Variants in PPARGC1A observed in about 807,000 individuals in gnomAD.
PPARGC1A encodes peroxisome proliferator-activated receptor gamma coactivator 1-alpha.
Under a neutral mutation model 88.7 loss-of-function variants are expected in PPARGC1A, and 25 were observed. The ratio of observed to expected loss-of-function variants is 0.28; its 90% CI spans 0.21 to 0.39. PPARGC1A has a LOEUF of 0.39. PPARGC1A is among the 10% of genes least tolerant of loss of function. The pLI is 1.00. For missense variants in PPARGC1A, 880 were observed against 968.7 expected, an observed-to-expected ratio of 0.91 and a Z score of 1.22; for synonymous variants, 363 against 355.6, an observed-to-expected ratio of 1.02 and a Z score of -0.24.
chr4:24,079,916 A>C, the PPARGC1A span, among the ~76,000 whole-genome samples: 1 of 151,834 alleles, frequency 6.6e-6, no homozygotes. Flanking sequence ...GTTGATTCTT[A>C]CTCCAGAATA....
chr4:24,160,159 T>G, the PPARGC1A span, among the ~76,000 whole-genome samples: 1 of 152,332 alleles, frequency 6.6e-6, no homozygotes, highest in South Asian at 2.1e-4. Context: ...ACCTCTAATC[T>G]CTCAGTCAGA....
chr4:24,156,736 CTTTT>C, the PPARGC1A span, among the ~76,000 whole-genome samples: 1 of 139,478 alleles, frequency 7.2e-6, no homozygotes, highest in Non-Finnish European at 1.6e-5. Context: ...TTCTCTCTCT[CTTTT>C]TTTTTTTTTT....
At chr4:23,906,535 A>G (rs1720055995), upstream of PPARGC1A, among the ~76,000 whole-genome samples, 1 of 136,740 alleles carries the variant, frequency 7.3e-6, no homozygotes, top group Admixed American at 8.1e-5. Context: ...AGAACCCAGG[A>G]GGTGGAGGTT....
At chr4:24,461,495 A>G in the PPARGC1A span, among the ~76,000 whole-genome samples, 1 of 152,172 alleles carries the variant, frequency 6.6e-6, no homozygotes, top group Admixed American at 6.6e-5. Flanking sequence ...GAGACAGAGA[A>G]AGAGAGGGTG....
At chr4:24,128,769 C>A in the PPARGC1A span, among the ~76,000 whole-genome samples, 5 of 152,302 alleles carry the variant, frequency 3.3e-5, no homozygotes, top group Non-Finnish European at 7.3e-5. Context: ...CAGCTTCAGT[C>A]TGGTGAGGTG....
chr4:23,798,202 G>A (rs746971784), intron 12 of PPARGC1A, among the ~76,000 whole-genome samples: 8 of 152,064 alleles, frequency 5.3e-5, no homozygotes, highest in Non-Finnish European at 8.8e-5. Flanking sequence ...CAGCTTTACT[G>A]CTCACACAAA....
At chr4:23,922,655 G>T in the PPARGC1A span, among the ~76,000 whole-genome samples, 1 of 152,148 alleles carries the variant, frequency 6.6e-6, no homozygotes, top group South Asian at 2.1e-4. Context: ...GTGTTTGTTT[G>T]GTTTACTCCT....
At chr4:24,459,100 T>C in the PPARGC1A span, among the ~76,000 whole-genome samples, 1 of 152,188 alleles carries the variant, frequency 6.6e-6, no homozygotes, top group Non-Finnish European at 1.5e-5. Flanking sequence ...GTTTCCTGGG[T>C]ATATTACTTG....
chr4:23,977,245 G>A, the PPARGC1A span, among the ~76,000 whole-genome samples: 25 of 152,244 alleles, frequency 1.6e-4, no homozygotes, highest in African/African-American at 3.9e-4. Flanking sequence ...CGGCGCACAC[G>A]CTCAGGATTA....
At chr4:23,858,404 G>C (rs1260118994) in intron 2 of PPARGC1A, among the ~76,000 whole-genome samples, 1 of 152,080 alleles carries the variant, frequency 6.6e-6, no homozygotes, top group East Asian at 1.9e-4. Context: ...TTTACAAAAG[G>C]AGAAAAAAGA....
At chr4:23,937,900 C>G in the PPARGC1A span, among the ~76,000 whole-genome samples, 4 of 152,172 alleles carry the variant, frequency 2.6e-5, no homozygotes, top group African/African-American at 9.7e-5. Flanking sequence ...AGGATCAATC[C>G]CCTTTCACAA....
chr4:24,257,439 G>C, the PPARGC1A span, among the ~76,000 whole-genome samples: 12 of 152,292 alleles, frequency 7.9e-5, no homozygotes, highest in Admixed American at 2.6e-4. Context: ...CATGTAGCTG[G>C]CCAATCTATG....
At chr4:24,327,038 A>G in the PPARGC1A span, among the ~76,000 whole-genome samples, 1 of 152,232 alleles carries the variant, frequency 6.6e-6, no homozygotes, top group Admixed American at 6.5e-5. Flanking sequence ...GGCTCTTAGT[A>G]TTCAGTGACA....
At chr4:23,806,903 T>C (rs981112821) in intron 10 of PPARGC1A, among the ~76,000 whole-genome samples, 2 of 152,192 alleles carry the variant, frequency 1.3e-5, no homozygotes, top group African/African-American at 4.8e-5. Context: ...GTTGAACTCT[T>C]AGCTATGCCA....
chr4:24,379,038 T>C, the PPARGC1A span, among the ~76,000 whole-genome samples: 2 of 152,210 alleles, frequency 1.3e-5, no homozygotes, highest in Admixed American at 1.3e-4. Flanking sequence ...AAATCTTCTT[T>C]GTCCCCTTCT....
chr4:24,448,697 C>A, the PPARGC1A span, among the ~76,000 whole-genome samples: 1 of 152,160 alleles, frequency 6.6e-6, no homozygotes, highest in African/African-American at 2.4e-5. Context: ...CCCAGAAGAT[C>A]GAAGGTTAAT....
the PPARGC1A span, among the ~76,000 whole-genome samples, chr4:24,165,543 A>G: frequency 6.6e-6 from 1 of 152,206 alleles, no homozygotes; most frequent in African/African-American, 2.4e-5. Context: ...GTTTGTGGCA[A>G]CACTGCAATG....
chr4:23,792,787 A>AAAAAAT lies in PPARGC1A; in HGVS notation c.*3029_*3034dup, dbSNP rs1258968276. 6.6e-6 allele frequency: 1 copy of AAAAAAT among 152,410 alleles called. No homozygotes were observed. The allele number at this position is 152,410 out of a possible 1,614,324, so 9.4% of individuals were successfully genotyped here. A position where few individuals can be genotyped will look rare whatever the true frequency, so the allele number is the denominator to read the frequency against. ...TGTTCATTTGAAATATTCTCTCCCA[A>AAAAAAT]AAAAATAAAAATAAAAATGAGAGGA... On this transcript the variant is annotated 3_prime_UTR_variant, in exon 13 of 13. Transcript: ENST00000264867.
At chr4:24,401,120 G>A in the PPARGC1A span, among the ~76,000 whole-genome samples, 66 of 143,318 alleles carry the variant, frequency 4.6e-4, no homozygotes, top group Admixed American at 3.0e-4. Context: ...CCGGGTTCAC[G>A]CCATTCTCCT....
Sources: gnomAD v4.1 joint callset for allele counts (sites outside exome capture counted in the v4.1 genomes callset) on GRCh38, gnomAD v4.1.1 for gene constraint, MANE v1.5 for transcripts, NCBI Gene and HGNC (gene_info 2026-07-23, HGNC 2026-07-21) for gene names.